Variants in TRPS1 observed in about 807,000 individuals in gnomAD.
The protein encoded by TRPS1 is zinc finger transcription factor Trps1.
TRPS1 carries 6 observed loss-of-function variants against 101.2 expected under a neutral mutation model. The observed-to-expected ratio is 0.06, with a 90% CI of 0.03 to 0.12. TRPS1 has a LOEUF of 0.12. TRPS1 is among the 10% of genes least tolerant of loss of function. The pLI, the probability that TRPS1 is intolerant of heterozygous loss-of-function variation, is 1.00. For synonymous variants in TRPS1, 578 were observed against 589.8 expected, an observed-to-expected ratio of 0.98 and a Z score of 0.29; for missense variants, 1,363 against 1,567.0, an observed-to-expected ratio of 0.87 and a Z score of 2.20.
intron 1 of TRPS1, among the ~76,000 whole-genome samples, chr8:115,650,075 C>A (rs191973647): frequency 6.6e-6 from 1 of 152,154 alleles, no homozygotes; most frequent in East Asian, 1.9e-4. Flanking sequence ...CTAAATTTCG[C>A]CTACTCACTT....
At chr8:115,447,249 G>A (rs1192987274) in intron 5 of TRPS1, among the ~76,000 whole-genome samples, 11 of 152,112 alleles carry the variant, frequency 7.2e-5, no homozygotes, top group Admixed American at 7.2e-4. Flanking sequence ...CTCCAAAGGA[G>A]CTTAGTCATG....
intron 5 of TRPS1, among the ~76,000 whole-genome samples, chr8:115,461,298 T>C (rs62512981): frequency 0.18 from 6,666 of 36,520 alleles, 263 homozygotes; most frequent in African/African-American, 0.29. Flanking sequence ...GATAGATAGA[T>C]AGACAGATAC....
rs1432057942 is a variant in TRPS1, at chr8:115,668,613, A to C, written c.-190T>G. On this transcript the variant is annotated 5_prime_UTR_variant, in exon 1 of 7. Transcript: ENST00000395715. Reference sequence around the variant, plus strand: ...GGTGGCGCGGCGGCCAAAGCCATGAACCGTCTTCTGTTGTTTGCAGAGTTG... The same window carrying C: ...GGTGGCGCGGCGGCCAAAGCCATGACCCGTCTTCTGTTGTTTGCAGAGTTG... 6.6e-6 allele frequency: 1 copy of C among 150,994 alleles called. No individual in the cohort carries two copies. Among genetic ancestry groups the C allele is most frequent in the Non-Finnish European group, 1.5e-5 (1 of 67,786 alleles). 9.4% of individuals were successfully genotyped at this position (150,994 alleles called of 1,614,324 possible). A position where few individuals can be genotyped will look rare whatever the true frequency, so the allele number is the denominator to read the frequency against.
At chr8:115,544,069 A>G (rs903253072) in intron 5 of TRPS1, among the ~76,000 whole-genome samples, 1 of 151,822 alleles carries the variant, frequency 6.6e-6, no homozygotes, top group African/African-American at 2.4e-5. Context: ...AAATGTAAAG[A>G]ACATTTCAGG....
chr8:115,524,319 C>CTTTTTTTTTTTTTTTTT (rs139406462), intron 5 of TRPS1, among the ~76,000 whole-genome samples: 8 of 70,720 alleles, frequency 1.1e-4, no homozygotes, highest in Non-Finnish European at 1.9e-4. Flanking sequence ...CTTCTTCTTC[C>CTTTTTTTTTTTTTTTTT]TTTTTTTTTT....
intron 1 of TRPS1, among the ~76,000 whole-genome samples, chr8:115,635,931 T>G (rs1353552495): frequency 6.6e-6 from 1 of 152,198 alleles, no homozygotes; most frequent in Non-Finnish European, 1.5e-5. Context: ...AAAGTTCACA[T>G]CAAGTTTTCA....
intron 1 of TRPS1, among the ~76,000 whole-genome samples, chr8:115,635,020 C>G (rs1459068596): frequency 6.6e-6 from 1 of 152,118 alleles, no homozygotes; most frequent in Admixed American, 6.6e-5. Flanking sequence ...TGAACCCTGG[C>G]AGGTAATCCA....
At chr8:115,564,574 T>G (rs1269608376) in intron 5 of TRPS1, among the ~76,000 whole-genome samples, 1 of 152,128 alleles carries the variant, frequency 6.6e-6, no homozygotes, top group Non-Finnish European at 1.5e-5. Flanking sequence ...CAGATGGGTT[T>G]GGAAAGCTTC....
At chr8:115,426,693 T>A (rs917029364) in intron 5 of TRPS1, among the ~76,000 whole-genome samples, 1 of 152,014 alleles carries the variant, frequency 6.6e-6, no homozygotes, top group Non-Finnish European at 1.5e-5. Flanking sequence ...CAGAAAAAAA[T>A]AAAGTGTAAA....
chr8:115,587,156 C>G lies in TRPS1; in HGVS notation c.2545G>C (p.Ala849Pro). 6.2e-7 allele frequency: 1 copy of G among 1,614,130 alleles called. No individual in the cohort carries two copies. Among genetic ancestry groups the G allele is most frequent in the Non-Finnish European group, 8.5e-7 (1 of 1,179,992 alleles). ...CCATAAATAGGTCGCGCCAGATGGG[C>G]GGCCTCCACATTGGGACTATCCCTT... ...TLRDSPNVEA[A>P]HLARPIYGLA... The change falls in exon 5 of 7, where the codon GCC becomes CCC. Residue 849 changes from alanine (A) to proline (P), a missense_variant. Coordinates refer to ENST00000395715, the MANE Select transcript of TRPS1 (RefSeq NM_014112.5).
At chr8:115,435,248 T>C (rs1265247879) in intron 5 of TRPS1, among the ~76,000 whole-genome samples, 1 of 152,240 alleles carries the variant, frequency 6.6e-6, no homozygotes. Flanking sequence ...TCTACTTTCC[T>C]GGATGTCAAT....
intron 1 of TRPS1, among the ~76,000 whole-genome samples, chr8:115,636,696 C>G (rs1012377096): frequency 1.3e-5 from 2 of 151,894 alleles, no homozygotes; most frequent in African/African-American, 4.8e-5. Flanking sequence ...GGAGGATAGC[C>G]TGAGGCCAGG....
At chr8:115,453,085 G>C (rs1053522249) in intron 5 of TRPS1, among the ~76,000 whole-genome samples, 1 of 151,672 alleles carries the variant, frequency 6.6e-6, no homozygotes, top group African/African-American at 2.4e-5. Context: ...ACAGTGGCGC[G>C]ATCTCGGCTC....
intron 5 of TRPS1, among the ~76,000 whole-genome samples, chr8:115,512,556 T>G (rs906273455): frequency 3.3e-5 from 5 of 151,534 alleles, no homozygotes; most frequent in Admixed American, 6.6e-5. Context: ...TTCATGCTCA[T>G]GAGTGAAAAA....
chr8:115,430,916 A>G (rs1813303202), intron 5 of TRPS1, among the ~76,000 whole-genome samples: 1 of 152,024 alleles, frequency 6.6e-6, no homozygotes, highest in African/African-American at 2.4e-5. Flanking sequence ...AATTGGTTAT[A>G]TGTTAATTTT....
At chr8:115,643,748 T>A (rs1818953986) in intron 1 of TRPS1, among the ~76,000 whole-genome samples, 1 of 152,232 alleles carries the variant, frequency 6.6e-6, no homozygotes, top group African/African-American at 2.4e-5. Context: ...AAATGATGTA[T>A]CCTTTCCAGA....
At chr8:115,430,260 G>T (rs1049118394) in intron 5 of TRPS1, among the ~76,000 whole-genome samples, 1 of 152,156 alleles carries the variant, frequency 6.6e-6, no homozygotes, top group Admixed American at 6.5e-5. Context: ...AGGTATAGGA[G>T]ACAGACTGCT....
intron 1 of TRPS1, 84 bp from the exon 2 acceptor site, chr8:115,623,842 T>A: frequency 7.8e-7 from 1 of 1,285,940 alleles, no homozygotes; most frequent in East Asian, 2.8e-5. Context: ...TATATTAATA[T>A]GCTGGCATCA....
chr8:115,485,583 A>G (rs1814859440), intron 5 of TRPS1, among the ~76,000 whole-genome samples: 2 of 152,200 alleles, frequency 1.3e-5, no homozygotes, highest in Admixed American at 1.3e-4. Flanking sequence ...CAAACAATGT[A>G]GTTACTATAT....
Sources: gnomAD v4.1 joint callset for allele counts (sites outside exome capture counted in the v4.1 genomes callset) on GRCh38, gnomAD v4.1.1 for gene constraint, MANE v1.5 for transcripts, NCBI Gene and HGNC (gene_info 2026-07-23, HGNC 2026-07-21) for gene names.